Variants in MAP4K3 observed in about 807,000 individuals in gnomAD.
The protein encoded by MAP4K3 is MAPK/ERK kinase kinase kinase 3.
In MAP4K3, 94 loss-of-function variants were observed where a neutral mutation model predicts 143.5. That is an observed-to-expected ratio of 0.65 (90% CI 0.55 to 0.78). The LOEUF (loss-of-function observed/expected upper bound fraction) is 0.78, where lower values mean the gene tolerates loss of function less well. MAP4K3 is among the 30% of genes least tolerant of loss of function. The pLI is 0.00. For synonymous variants in MAP4K3, 416 were observed against 347.2 expected, an observed-to-expected ratio of 1.20 and a Z score of -2.20; for missense variants, 1,077 against 1,068.1, an observed-to-expected ratio of 1.01 and a Z score of -0.12.
chr2:39,285,531 T>C (rs2148471230), intron 21 of MAP4K3, among the ~76,000 whole-genome samples: 1 of 152,348 alleles, frequency 6.6e-6, no homozygotes, highest in East Asian at 1.9e-4. Flanking sequence ...CAGAACTTCA[T>C]AAAACCCATT....
At chr2:39,301,518 CTA>C (rs1240213558) in intron 15 of MAP4K3, among the ~76,000 whole-genome samples, 1 of 152,008 alleles carries the variant, frequency 6.6e-6, no homozygotes, top group Non-Finnish European at 1.5e-5. Context: ...ATCAGACCAG[CTA>C]TATCTTTAGC....
intron 1 of MAP4K3, among the ~76,000 whole-genome samples, chr2:39,390,631 C>A (rs1402233436): frequency 1.3e-5 from 2 of 152,098 alleles, no homozygotes; most frequent in Non-Finnish European, 2.9e-5. Flanking sequence ...GAGAAAAAGT[C>A]TAGCAACAGG....
chr2:39,397,877 G>T (rs1260569843), intron 1 of MAP4K3, among the ~76,000 whole-genome samples: 1 of 152,114 alleles, frequency 6.6e-6, no homozygotes. Flanking sequence ...AAATACAAAT[G>T]GCCCTTGAAT....
intron 6 of MAP4K3, among the ~76,000 whole-genome samples, chr2:39,336,279 C>T (rs1664956323): frequency 6.6e-6 from 1 of 151,802 alleles, no homozygotes; most frequent in African/African-American, 2.4e-5. Context: ...TCGAGACCAG[C>T]CTGGCCAACA....
chr2:39,319,734 G>A (rs546537874), intron 12 of MAP4K3, among the ~76,000 whole-genome samples: 8 of 152,248 alleles, frequency 5.3e-5, no homozygotes, highest in Non-Finnish European at 7.4e-5. Flanking sequence ...CTATGCAGTA[G>A]ATAAGAACCT....
chr2:39,288,774 C>T (rs1225595744), intron 19 of MAP4K3, among the ~76,000 whole-genome samples: 1 of 152,128 alleles, frequency 6.6e-6, no homozygotes, highest in Admixed American at 6.5e-5. Flanking sequence ...ATCATGTGGC[C>T]GGGTGCGGTG....
chr2:39,378,497 A>T (rs985546621), intron 1 of MAP4K3, among the ~76,000 whole-genome samples: 3 of 152,212 alleles, frequency 2.0e-5, no homozygotes, highest in African/African-American at 7.2e-5. Flanking sequence ...TAACAAGGTC[A>T]TACAGCCAGT....
At chr2:39,355,160 C>G (rs532586868) in intron 3 of MAP4K3, among the ~76,000 whole-genome samples, 1 of 152,150 alleles carries the variant, frequency 6.6e-6, no homozygotes, top group Admixed American at 6.5e-5. Context: ...GTCAGGAGAT[C>G]AAGACCATCG....
chr2:39,386,971 G>A (rs1462986357), intron 1 of MAP4K3, among the ~76,000 whole-genome samples: 2 of 151,808 alleles, frequency 1.3e-5, no homozygotes, highest in East Asian at 1.9e-4. Flanking sequence ...GTGCCACCAC[G>A]CCTAGCTAAT....
Position 39,325,603 on chromosome 2 carries a change from G to A in MAP4K3, c.833C>T (p.Thr278Ile). ...LQHPFVTQHLTRSLAIELLDK... is the reference protein window; with the variant it reads ...LQHPFVTQHLIRSLAIELLDK... Reference sequence around the variant, plus strand: ...CAACAGCTCGATTGCCAAAGACCGTGTCAAATGTTGTGTTACAAAAGGATG... The same window carrying A: ...CAACAGCTCGATTGCCAAAGACCGTATCAAATGTTGTGTTACAAAAGGATG... Residue 278 changes from threonine to isoleucine, a missense_variant, in exon 12 of 34, where the codon ACA becomes ATA. This residue lies in a region of MAP4K3 where 864 missense variants were observed against 801.2 expected (regional missense o/e 1.08). Transcript: ENST00000263881. 1 of 1,613,050 alleles carries A rather than the reference G, an allele frequency of 6.2e-7. No individual in the cohort carries two copies. Among genetic ancestry groups the A allele is most frequent in the Non-Finnish European group, 8.5e-7 (1 of 1,179,514 alleles).
chr2:39,324,825 T>A (rs1683433376), intron 12 of MAP4K3, among the ~76,000 whole-genome samples: 1 of 152,222 alleles, frequency 6.6e-6, no homozygotes, highest in Non-Finnish European at 1.5e-5. Flanking sequence ...GAAGCTTCCA[T>A]TAATATCAAT....
intron 2 of MAP4K3, among the ~76,000 whole-genome samples, chr2:39,357,101 ATC>A (rs1008719858): frequency 5.9e-5 from 9 of 152,350 alleles, no homozygotes; most frequent in African/African-American, 1.9e-4. Flanking sequence ...TTAGCAAATA[ATC>A]TCTCTCCTAC....
Position 39,378,108 on chromosome 2 carries a change from T to A in MAP4K3, c.112A>T (p.Thr38Ser). Residue 38 changes from threonine to serine, a missense_variant, in exon 2 of 34, where the codon ACT (threonine) becomes TCT (serine). Coordinates refer to ENST00000263881, the MANE Select transcript of MAP4K3 (RefSeq NM_003618.4). ...ACTTTAATTGCTGCTAATTCACCAG[T>A]GTTAACATTCCGTGCCTAAAAGAAA... ...GDVYKARNVNTGELAAIKVIK... is the reference protein window; with the variant it reads ...GDVYKARNVNSGELAAIKVIK... The A allele has an allele frequency of 1.3e-6, 2 of 1,588,812 alleles. No individual in the cohort carries two copies. The highest frequency in any genetic ancestry group is 8.6e-7 in the Non-Finnish European group (1 of 1,167,374).
chr2:39,322,399 T>A (rs1480384388), intron 12 of MAP4K3, among the ~76,000 whole-genome samples: 1 of 152,112 alleles, frequency 6.6e-6, no homozygotes, highest in Non-Finnish European at 1.5e-5. Flanking sequence ...AATTGTTAAA[T>A]CTTATAATGC....
chr2:39,268,449 T>C (rs546620143), intron 26 of MAP4K3, among the ~76,000 whole-genome samples: 5 of 151,476 alleles, frequency 3.3e-5, no homozygotes, highest in Admixed American at 1.3e-4. Flanking sequence ...GAATGCCAAA[T>C]AGCTGGGACT....
intron 1 of MAP4K3, among the ~76,000 whole-genome samples, chr2:39,425,831 T>G (rs7565210): frequency 6.6e-6 from 1 of 152,000 alleles, no homozygotes; most frequent in South Asian, 2.1e-4. Context: ...AAAAAATAAA[T>G]AAACAAAAAT....
intron 1 of MAP4K3, among the ~76,000 whole-genome samples, chr2:39,383,387 G>C (rs945286676): frequency 1.4e-5 from 2 of 144,146 alleles, no homozygotes; most frequent in Non-Finnish European, 3.0e-5. Flanking sequence ...CATGAGAAGA[G>C]CAAGACGGTA....
intron 13 of MAP4K3, among the ~76,000 whole-genome samples, chr2:39,311,747 G>A (rs1303107044): frequency 6.6e-6 from 1 of 152,218 alleles, no homozygotes; most frequent in Non-Finnish European, 1.5e-5. Flanking sequence ...TCCAGCCCTA[G>A]CTGATATCCT....
intron 29 of MAP4K3, among the ~76,000 whole-genome samples, chr2:39,259,010 G>T (rs375948030): frequency 9.0e-5 from 13 of 145,042 alleles, no homozygotes; most frequent in East Asian, 2.0e-4. Context: ...AATGAAAATT[G>T]TTTTTTTTTT....
Sources: allele counts gnomAD v4.1 joint callset (sites outside exome capture counted in the v4.1 genomes callset), GRCh38; gene constraint gnomAD v4.1.1; regional missense constraint gnomAD v4.1.1; transcripts MANE v1.5; gene names NCBI Gene and HGNC (gene_info 2026-07-23, HGNC 2026-07-21).